DCLK3: variants seen among roughly 807,000 people sequenced by gnomAD.
DCLK3 encodes the protein serine/threonine-protein kinase DCLK3.
In DCLK3, 30 loss-of-function variants were observed where a neutral mutation model predicts 46.4. The observed-to-expected ratio is 0.65, with a 90% CI of 0.48 to 0.88. The LOEUF (loss-of-function observed/expected upper bound fraction) is 0.88, where lower values mean the gene tolerates loss of function less well. Among genes scored for constraint, DCLK3 ranks in the 40% least tolerant of loss-of-function variants. The pLI is 0.00. For missense variants in DCLK3, 846 were observed against 907.1 expected (o/e 0.93, Z 0.87); for synonymous variants, 401 against 339.2 (o/e 1.18, Z -2.00).
At chr3:36,734,923 C>T (rs1192441646) in intron 2 of DCLK3, among the ~76,000 whole-genome samples, 9 of 152,210 alleles carry the variant, frequency 5.9e-5, no homozygotes, top group African/African-American at 1.4e-4. Context: ...TCAAAAATAA[C>T]TGATAAATCC....
chr3:36,731,503 C>T (rs1261326730), intron 2 of DCLK3, among the ~76,000 whole-genome samples: 3 of 151,960 alleles, frequency 2.0e-5, no homozygotes, highest in Admixed American at 6.6e-5. Flanking sequence ...GGTGTCTATA[C>T]ACACTGTCTA....
intron 1 of DCLK3, among the ~76,000 whole-genome samples, chr3:36,749,028 C>CCTCCCAACT (rs1701417026): frequency 6.6e-6 from 1 of 152,176 alleles, no homozygotes; most frequent in African/African-American, 2.4e-5. Context: ...TTTCATGTTT[C>CCTCCCAACT]CTCCCAACTC....
At chr3:36,748,702 C>T (rs1271542826) in intron 1 of DCLK3, among the ~76,000 whole-genome samples, 1 of 152,132 alleles carries the variant, frequency 6.6e-6, no homozygotes, top group Non-Finnish European at 1.5e-5. Context: ...TCGGACCTGC[C>T]AGCGACCATA....
chr3:36,738,394 G>C lies in DCLK3; in HGVS notation c.773C>G (p.Ala258Gly), dbSNP rs540783802. Reference sequence around the variant, plus strand: ...CCTCCCCCACTTCTTCTGGGTCCTCGCTCTGTCATCTAGTGAAAGCTCCTC... The same window carrying C: ...CCTCCCCCACTTCTTCTGGGTCCTCCCTCTGTCATCTAGTGAAAGCTCCTC... The part of the protein sequence containing the change: ...IPEELSLDDR[A>G]RTQKKWGRGK... Residue 258 changes from alanine to glycine, a missense_variant, in exon 2 of 5, where the codon GCG (alanine) becomes GGG (glycine). Transcript: ENST00000636136. 1 of 1,492,058 alleles carries C rather than the reference G, an allele frequency of 6.7e-7. No individual in the cohort carries two copies. Among genetic ancestry groups the C allele is most frequent in the Admixed American group, 2.5e-5 (1 of 40,366 alleles). 92.4% of individuals were successfully genotyped at this position (1,492,058 alleles called of 1,614,324 possible).
At position 36,724,092 on chromosome 3, in the gene DCLK3, G is replaced by A. The variant is rs1340592903; in HGVS notation, c.1960-2433C>T. Among the ~76,000 whole-genome samples the A allele has an allele frequency of 2.6e-5, 4 of 152,322 alleles. 1 individual carries two copies. Among genetic ancestry groups the A allele is most frequent in the African/African-American group, 2.4e-5 (1 of 41,568 alleles). On this transcript the variant is annotated intron_variant, in intron 2 of 4. Coordinates refer to ENST00000636136, the MANE Select transcript of DCLK3 (RefSeq NM_001394672.2). ...CCACCTCTTGCATTAGCGTGACCTG[G>A]ATGTGAGACCTGGAGTCAAAAGAGA...
chr3:36,740,025 G>A (rs551503898), intron 1 of DCLK3, among the ~76,000 whole-genome samples: 126 of 152,072 alleles, frequency 8.3e-4, no homozygotes, highest in African/African-American at 2.6e-3. Context: ...AGCAGTATGC[G>A]AAGAGGTTAT....
At chr3:36,742,874 T>C (rs960206930) in intron 1 of DCLK3, among the ~76,000 whole-genome samples, 1 of 152,170 alleles carries the variant, frequency 6.6e-6, no homozygotes, top group Non-Finnish European at 1.5e-5. Context: ...AACGTGCTCA[T>C]GCCCCAGGAC....
intron 2 of DCLK3, among the ~76,000 whole-genome samples, chr3:36,730,363 A>C (rs1701185210): frequency 6.6e-6 from 1 of 152,168 alleles, no homozygotes; most frequent in African/African-American, 2.4e-5. Context: ...GCATCTGCTT[A>C]TTTCTACTTA....
chr3:36,718,224 G>A, intron 3 of DCLK3, 47 bp from the exon 4 acceptor site: 1 of 1,608,866 alleles, frequency 6.2e-7, no homozygotes. Context: ...GACCAGGCAG[G>A]GTCAAAGGTG....
At chr3:36,721,744 C>T in intron 2 of DCLK3, 85 bp from the exon 3 acceptor site, 2 of 1,538,384 alleles carry the variant, frequency 1.3e-6, no homozygotes, top group Non-Finnish European at 1.8e-6. Flanking sequence ...CATGCAAGGT[C>T]AAGAAAAGCA....
intron 1 of DCLK3, among the ~76,000 whole-genome samples, chr3:36,742,552 T>C (rs1701353949): frequency 2.6e-5 from 4 of 152,234 alleles, no homozygotes; most frequent in Admixed American, 2.0e-4. Flanking sequence ...CTCCTTGGTC[T>C]GCAGCAAAAG....
rs1701562134 is a variant in DCLK3 at position 36,764,018 on chromosome 3, G to A, written c.82+164C>T. Reference sequence around the variant, plus strand: ...CACACACGTACACACACATACACACGTACACACACATACACACACACAGTC... The same window carrying A: ...CACACACGTACACACACATACACACATACACACACATACACACACACAGTC... On this transcript the variant is annotated intron_variant, in intron 1 of 4. Coordinates refer to ENST00000636136, the MANE Select transcript of DCLK3 (RefSeq NM_001394672.2). The surrounding 1 kb of genome is among the most constrained non-coding windows in gnomAD (Gnocchi z 4.9). 6.6e-6 allele frequency among the ~76,000 whole-genome samples: 1 copy of A among 152,022 alleles called. No individual in the cohort carries two copies. Among genetic ancestry groups the A allele is most frequent in the Non-Finnish European group, 1.5e-5 (1 of 67,980 alleles).
At position 36,738,377 on chromosome 3, in the gene DCLK3, A is replaced by C. The variant is rs1701298792; in HGVS notation, c.790T>G (p.Trp264Gly). The part of the protein sequence containing the change: ...LDDRARTQKK[W>G]GRGKWEPEPS... Reference sequence around the variant, plus strand: ...TCTGGCTCCCATTTCCCCCTCCCCCACTTCTTCTGGGTCCTCGCTCTGTCA... The same window carrying C: ...TCTGGCTCCCATTTCCCCCTCCCCCCCTTCTTCTGGGTCCTCGCTCTGTCA... Residue 264 changes from tryptophan (W) to glycine (G), a missense_variant, in exon 2 of 5, where the codon TGG (tryptophan) becomes GGG (glycine). Physicochemically the swap from Trp to Gly is radical, Grantham distance 184. Transcript: ENST00000636136. 3.4e-6 allele frequency: 5 copies of C among 1,482,760 alleles called. No homozygotes were observed. Among genetic ancestry groups the C allele is most frequent in the African/African-American group, 1.5e-5 (1 of 68,854 alleles). The allele number at this position is 1,482,760 out of a possible 1,614,324, so 91.9% of individuals were successfully genotyped here. A position where few individuals can be genotyped will look rare whatever the true frequency, so the allele number is the denominator to read the frequency against.
chr3:36,719,299 T>C (rs1167937065), intron 3 of DCLK3, among the ~76,000 whole-genome samples: 1 of 152,196 alleles, frequency 6.6e-6, no homozygotes, highest in Non-Finnish European at 1.5e-5. Flanking sequence ...TTTTTACAGT[T>C]AGAAAAAGAA....
intron 2 of DCLK3, among the ~76,000 whole-genome samples, chr3:36,731,704 C>T (rs1701201066): frequency 6.6e-6 from 1 of 152,112 alleles, no homozygotes. Context: ...TTGTCTTTAC[C>T]CTTAGGATGA....
chr3:36,726,965 A>G (rs1229189272), intron 2 of DCLK3, among the ~76,000 whole-genome samples: 2 of 152,192 alleles, frequency 1.3e-5, no homozygotes, highest in Non-Finnish European at 1.5e-5. Flanking sequence ...GTCTCTCACA[A>G]ATATTTATAA....
chr3:36,721,744 C>G, intron 2 of DCLK3, 85 bp from the exon 3 acceptor site: 1 of 1,538,384 alleles, frequency 6.5e-7, no homozygotes, highest in Non-Finnish European at 8.9e-7. Context: ...CATGCAAGGT[C>G]AAGAAAAGCA....
chr3:36,755,626 G>T (rs1412379135), intron 1 of DCLK3, among the ~76,000 whole-genome samples: 2 of 152,074 alleles, frequency 1.3e-5, no homozygotes, highest in African/African-American at 4.8e-5. Flanking sequence ...GGGGAGTTTG[G>T]AAATGAGAAG....
At chr3:36,724,837 T>G (rs1029452923) in intron 2 of DCLK3, among the ~76,000 whole-genome samples, 7 of 151,398 alleles carry the variant, frequency 4.6e-5, no homozygotes, top group Non-Finnish European at 2.9e-5. Context: ...TTATGAAAAA[T>G]GAGGAAGTAA....
Sources: gnomAD v4.1 joint callset for allele counts (sites outside exome capture counted in the v4.1 genomes callset) on GRCh38, gnomAD v4.1.1 for gene constraint, Gnocchi (gnomAD v3.1) non-coding constraint, MANE v1.5 for transcripts, NCBI Gene and HGNC (gene_info 2026-07-23, HGNC 2026-07-21) for gene names.